The following SLC30A9 variants were observed in gnomAD, a reference collection of about 807,000 sequenced individuals.
SLC30A9 encodes solute carrier family 30 member 9.
Under a neutral mutation model 87.5 loss-of-function variants are expected in SLC30A9, and 58 were observed. The ratio of observed to expected loss-of-function variants is 0.66; its 90% CI spans 0.54 to 0.82. SLC30A9 has a LOEUF of 0.82. SLC30A9 is among the 40% of genes least tolerant of loss of function. The probability of loss-of-function intolerance (pLI) is 0.00; values close to 1 mark genes in which losing one functional copy is unlikely to be tolerated. For missense variants in SLC30A9, 557 were observed against 679.1 expected, an observed-to-expected ratio of 0.82 and a Z score of 2.00; for synonymous variants, 234 against 233.0, an observed-to-expected ratio of 1.00 and a Z score of -0.04.
At chr4:42,023,997 G>C (rs1716084757) in intron 6 of SLC30A9, among the ~76,000 whole-genome samples, 2 of 152,188 alleles carry the variant, frequency 1.3e-5, no homozygotes, top group South Asian at 4.1e-4. Flanking sequence ...ACCATGGCCT[G>C]TCCTCGGCAC....
rs1448263013 is a variant in SLC30A9 at position 41,990,607 on chromosome 4, G to C, written c.-45G>C. The stretch of plus-strand genomic sequence containing the variant: ...AGTCAGTTGGTACCGGTGGCGGCGC[G>C]GAGGCAGAAGGCGGTGTCCGAGTAG... On this transcript the variant is annotated 5_prime_UTR_variant, in exon 1 of 18. Transcript: ENST00000264451. 5 of 1,220,846 alleles carry C rather than the reference G, an allele frequency of 4.1e-6. No individual in the cohort carries two copies. Among genetic ancestry groups the C allele is most frequent in the Non-Finnish European group, 5.9e-6 (5 of 846,182 alleles). The allele number at this position is 1,220,846 out of a possible 1,614,324, so 75.6% of individuals were successfully genotyped here.
At chr4:41,996,868 T>C (rs1714736529) in intron 1 of SLC30A9, among the ~76,000 whole-genome samples, 1 of 151,928 alleles carries the variant, frequency 6.6e-6, no homozygotes. Context: ...ACCACATCTC[T>C]GCTAAAAATA....
At position 42,086,274 on chromosome 4, in the gene SLC30A9, C is replaced by A; in HGVS notation, c.*148C>A. On this transcript the variant is annotated 3_prime_UTR_variant, in exon 18 of 18. Transcript: ENST00000264451. ...TGAAGGAAATATTTTATGTAAAGAG[C>A]AACTCAGCAGGACACAGAACTAAAA... The A allele has an allele frequency of 2.3e-6, 1 of 427,704 alleles. No individual in the cohort carries two copies. 26.5% of individuals were successfully genotyped at this position (427,704 alleles called of 1,614,324 possible).
At chr4:42,030,144 C>T (rs766175802) in intron 6 of SLC30A9, 41 of 867,344 alleles carry the variant, frequency 4.7e-5, no homozygotes, top group South Asian at 8.8e-5. Context: ...AAATCTTTCC[C>T]GCTAGCCATT....
At chr4:42,052,036 G>T (rs1342131225) in intron 9 of SLC30A9, among the ~76,000 whole-genome samples, 1 of 150,972 alleles carries the variant, frequency 6.6e-6, no homozygotes, top group East Asian at 1.9e-4. Context: ...AAGTGAGTAA[G>T]ATTTCAGGAG....
At chr4:42,007,029 G>T (rs758860796) in intron 2 of SLC30A9, among the ~76,000 whole-genome samples, 4 of 152,158 alleles carry the variant, frequency 2.6e-5, no homozygotes, top group Non-Finnish European at 5.9e-5. Context: ...GGAGGTACTT[G>T]ATCAGATTTA....
At chr4:42,062,435 C>T (rs1717895472) in intron 10 of SLC30A9, among the ~76,000 whole-genome samples, 1 of 151,984 alleles carries the variant, frequency 6.6e-6, no homozygotes, top group African/African-American at 2.4e-5. Context: ...GAGATTTTAG[C>T]ACCATGAAAA....
intron 9 of SLC30A9, among the ~76,000 whole-genome samples, chr4:42,054,776 C>T (rs1167648366): frequency 6.6e-6 from 1 of 151,230 alleles, no homozygotes; most frequent in Non-Finnish European, 1.5e-5. Context: ...GCTGGGATTA[C>T]AGACATGAGC....
At chr4:42,024,985 C>T (rs1392358231) in intron 6 of SLC30A9, among the ~76,000 whole-genome samples, 2 of 152,162 alleles carry the variant, frequency 1.3e-5, no homozygotes, top group African/African-American at 2.4e-5. Flanking sequence ...TATTTTCTAA[C>T]AGTCTATCTT....
chr4:42,024,529 T>G (rs555795136), intron 6 of SLC30A9, among the ~76,000 whole-genome samples: 24 of 152,212 alleles, frequency 1.6e-4, no homozygotes, highest in Admixed American at 4.6e-4. Flanking sequence ...ATATTTTTAT[T>G]TTTTTAACGT....
rs1047674301 is a variant in SLC30A9 at position 41,990,843 on chromosome 4, T to G, written c.109+83T>G. ...GGCTCGGCGCCTCGCCTGGGGCAATTCGCCCACTTGCCTTTCGCCAACCTC... is the reference window on the plus strand; with the variant it reads ...GGCTCGGCGCCTCGCCTGGGGCAATGCGCCCACTTGCCTTTCGCCAACCTC... On this transcript the variant is annotated intron_variant, in intron 1 of 17. Transcript: ENST00000264451. The G allele has an allele frequency of 4.1e-6, 4 of 982,268 alleles. No individual in the cohort carries two copies. In the African/African-American group the frequency reaches 6.4e-5, roughly 16 times the overall value. 60.8% of individuals were successfully genotyped at this position (982,268 alleles called of 1,614,324 possible).
chr4:41,993,595 A>C (rs1714550763), intron 1 of SLC30A9, among the ~76,000 whole-genome samples: 1 of 152,230 alleles, frequency 6.6e-6, no homozygotes, highest in Admixed American at 6.5e-5. Flanking sequence ...AATTTTTCAT[A>C]ATGATAATAC....
intron 15 of SLC30A9, among the ~76,000 whole-genome samples, chr4:42,073,773 C>T (rs1407700196): frequency 1.3e-5 from 2 of 152,118 alleles, no homozygotes; most frequent in African/African-American, 2.4e-5. Context: ...GTGAACAAGA[C>T]AAAAGTCACA....
At chr4:42,048,252 A>T (rs1378613081) in intron 8 of SLC30A9, among the ~76,000 whole-genome samples, 2 of 152,152 alleles carry the variant, frequency 1.3e-5, no homozygotes, top group South Asian at 2.1e-4. Flanking sequence ...AACATTGTTT[A>T]AAAAAAGAAG....
intron 2 of SLC30A9, among the ~76,000 whole-genome samples, chr4:42,007,406 T>C (rs1157618017): frequency 1.3e-5 from 2 of 152,184 alleles, no homozygotes; most frequent in African/African-American, 4.8e-5. Flanking sequence ...CAGTGACCAA[T>C]AGGCAGTTGG....
intron 17 of SLC30A9, among the ~76,000 whole-genome samples, chr4:42,079,173 C>G (rs1718667705): frequency 6.6e-6 from 1 of 151,910 alleles, no homozygotes; most frequent in Non-Finnish European, 1.5e-5. Context: ...TTGCAGACCT[C>G]AAAGAGATTT....
At position 42,075,722 on chromosome 4, in the gene SLC30A9, A is replaced by G. The variant is rs1350042877; in HGVS notation, c.1484A>G (p.Asp495Gly). ...LGKVRFKAEVDFDGRVVTRSY... is the reference protein window; with the variant it reads ...LGKVRFKAEVGFDGRVVTRSY... ...AAAGTAAGATTTAAGGCAGAAGTAG[A>G]TTTTGATGGGCGAGTTGTTACAAGA... Residue 495 changes from aspartate (D) to glycine (G), a missense_variant, in exon 16 of 18, where the codon GAT (aspartate) becomes GGT (glycine). This residue lies in a region of SLC30A9 where 90 missense variants were observed against 149.4 expected (regional missense o/e 0.60). Coordinates refer to ENST00000264451, the MANE Select transcript of SLC30A9 (RefSeq NM_006345.4). 3 of 1,613,460 alleles carry G rather than the reference A, an allele frequency of 1.9e-6. No individual in the cohort carries two copies. Among genetic ancestry groups the G allele is most frequent in the Non-Finnish European group, 2.5e-6 (3 of 1,179,634 alleles).
chr4:42,010,925 T>C (rs1357696372), intron 2 of SLC30A9, among the ~76,000 whole-genome samples: 2 of 152,184 alleles, frequency 1.3e-5, no homozygotes, highest in African/African-American at 4.8e-5. Flanking sequence ...CTACATGTGC[T>C]ATTTGAATAG....
chr4:42,003,680 A>G (rs576552661), intron 2 of SLC30A9, among the ~76,000 whole-genome samples: 3 of 152,258 alleles, frequency 2.0e-5, no homozygotes, highest in East Asian at 3.9e-4. Flanking sequence ...GTGTGCATTT[A>G]CTGTAATCAC....
Sources: allele counts gnomAD v4.1 joint callset (sites outside exome capture counted in the v4.1 genomes callset), GRCh38; gene constraint gnomAD v4.1.1; regional missense constraint gnomAD v4.1.1; transcripts MANE v1.5; gene names NCBI Gene and HGNC (gene_info 2026-07-23, HGNC 2026-07-21).